Variants in AHR observed in about 807,000 individuals in gnomAD.
AHR encodes AH-receptor.
AHR carries 40 observed loss-of-function variants against 86.8 expected under a neutral mutation model. That is an observed-to-expected ratio of 0.46 (90% CI 0.36 to 0.60). AHR has a LOEUF of 0.60. Among genes scored for constraint, AHR ranks in the 20% least tolerant of loss-of-function variants. The probability of loss-of-function intolerance (pLI) is 0.00; values close to 1 mark genes in which losing one functional copy is unlikely to be tolerated. For synonymous variants in AHR, 398 were observed against 354.9 expected (o/e 1.12, Z -1.37); for missense variants, 1,001 against 1,011.6 (o/e 0.99, Z 0.14).
chr7:17,330,042 T>C lies in AHR; in HGVS notation c.541T>C (p.Ser181Pro), dbSNP rs1054811954. 6.2e-7 allele frequency: 1 copy of C among 1,611,256 alleles called. No individual in the cohort carries two copies. Among genetic ancestry groups the C allele is most frequent in the Non-Finnish European group, 8.5e-7 (1 of 1,177,940 alleles). ...QRQLHWALNPSQCTESGQGIE... is the reference protein window; with the variant it reads ...QRQLHWALNPPQCTESGQGIE... ...TCAGCTACACTGGGCATTAAATCCTTCTCAGTGTACAGAGTCTGGACAAGG... is the reference window on the plus strand; with the variant it reads ...TCAGCTACACTGGGCATTAAATCCTCCTCAGTGTACAGAGTCTGGACAAGG... The change falls in exon 5 of 11, where the codon TCT becomes CCT. Residue 181 changes from serine to proline, a missense_variant. Around this residue, in one of 2 missense-constraint regions of AHR, gnomAD observed 394 missense variants for 468.5 expected, o/e 0.84. Transcript: ENST00000242057.
intron 3 of AHR, among the ~76,000 whole-genome samples, chr7:17,324,561 G>C (rs763816918): frequency 9.9e-5 from 15 of 152,206 alleles, no homozygotes; most frequent in Non-Finnish European, 1.9e-4. Context: ...CCAGCACTTT[G>C]GGAGGCCAAG....
At chr7:17,308,244 C>T (rs1157383073) in intron 1 of AHR, among the ~76,000 whole-genome samples, 1 of 152,116 alleles carries the variant, frequency 6.6e-6, no homozygotes, top group Admixed American at 6.6e-5. Context: ...TGTGCCTCTC[C>T]CTTCATGTGG....
At chr7:17,299,506 C>A in intron 1 of AHR, 177 bp downstream of exon 1, 1 of 713,768 alleles carries the variant, frequency 1.4e-6, no homozygotes, top group Non-Finnish European at 2.3e-6. Context: ...TGGATTCTCC[C>A]GTTTTCAATG....
chr7:17,315,987 G>A (rs1782111852), intron 2 of AHR, among the ~76,000 whole-genome samples: 1 of 152,048 alleles, frequency 6.6e-6, no homozygotes. Flanking sequence ...AGAACATGTA[G>A]AATAAGAGGA....
At chr7:17,314,622 T>C (rs1414650140) in intron 2 of AHR, among the ~76,000 whole-genome samples, 1 of 152,044 alleles carries the variant, frequency 6.6e-6, no homozygotes, top group African/African-American at 2.4e-5. Context: ...GGTATCTCTC[T>C]AGATCAGAAC....
At chr7:17,306,862 TC>T (rs1319087177) in intron 1 of AHR, among the ~76,000 whole-genome samples, 1 of 152,172 alleles carries the variant, frequency 6.6e-6, no homozygotes, top group Non-Finnish European at 1.5e-5. Flanking sequence ...TTGTGATCAT[TC>T]CTTTTCTTGG....
rs535517733 is a variant in AHR at position 17,307,237 on chromosome 7, T to G, written c.66-2699T>G. Among the ~76,000 whole-genome samples, 70 of 152,172 alleles carry G rather than the reference T, an allele frequency of 4.6e-4. 1 individual carries two copies. Among genetic ancestry groups the G allele is most frequent in the African/African-American group, 1.6e-3 (67 of 41,548 alleles). On this transcript the variant is annotated intron_variant, in intron 1 of 10. Coordinates refer to ENST00000242057, the MANE Select transcript of AHR (RefSeq NM_001621.5). ...TTGTTTCAGCGTTTGTGTCACTCTCTTCTCTCCAGTGTTTCATAATCATTA... is the reference window on the plus strand; with the variant it reads ...TTGTTTCAGCGTTTGTGTCACTCTCGTCTCTCCAGTGTTTCATAATCATTA...
chr7:17,317,122 T>TTG (rs1782123443), intron 2 of AHR, among the ~76,000 whole-genome samples: 1 of 149,682 alleles, frequency 6.7e-6, no homozygotes, highest in East Asian at 1.9e-4. Flanking sequence ...TTTTGTTTTT[T>TTG]TTTTTTTTTT....
chr7:17,334,008 A>G lies in AHR; in HGVS notation c.802A>G (p.Ile268Val). The change falls in exon 7 of 11, where the codon ATA becomes GTA. Residue 268 changes from isoleucine (I) to valine (V), a missense_variant. Around this residue, in one of 2 missense-constraint regions of AHR, gnomAD observed 394 missense variants for 468.5 expected, o/e 0.84. Transcript: ENST00000242057. ...ILPPQLALFA[I>V]ATPLQPPSIL... The stretch of plus-strand genomic sequence containing the variant: ...TCCACCTCAGTTGGCTTTGTTTGCG[A>G]TAGCTACTCCACTTCAGCCACCATC... 1 of 1,613,552 alleles carries G rather than the reference A, an allele frequency of 6.2e-7. No homozygotes were observed. Among genetic ancestry groups the G allele is most frequent in the East Asian group, 2.2e-5 (1 of 44,858 alleles).
rs554748277 is a variant in AHR, at chr7:17,343,212, T to C, written c.*148T>C. 2 of 1,002,184 alleles carry C rather than the reference T, an allele frequency of 2.0e-6. No homozygotes were observed. The highest frequency in any genetic ancestry group is 2.9e-5 in the South Asian group (2 of 68,918). The allele number at this position is 1,002,184 out of a possible 1,614,324, so 62.1% of individuals were successfully genotyped here. The stretch of plus-strand genomic sequence containing the variant: ...ACAATTATTCCAAACCAAATTTTAA[T>C]TTTTGCTTTTAGAAAAGGGAGTTTA... On this transcript the variant is annotated 3_prime_UTR_variant, in exon 11 of 11. Coordinates refer to ENST00000242057, the MANE Select transcript of AHR (RefSeq NM_001621.5).
intron 2 of AHR, among the ~76,000 whole-genome samples, chr7:17,314,262 G>GTT (rs1782094232): frequency 6.6e-6 from 1 of 151,988 alleles, no homozygotes; most frequent in Non-Finnish European, 1.5e-5. Context: ...ACAAGGTAAT[G>GTT]TTAGGGAAAA....
rs1437852377 is a variant in AHR at position 17,344,062 on chromosome 7, CTTGT to C, written c.*1001_*1004del. ...TGAAAAATCTGCTGTTAACTGCAAC[CTTGT>C]TTATTAAATTGCAAGAAGCTTTATT... On this transcript the variant is annotated 3_prime_UTR_variant, in exon 11 of 11. Transcript: ENST00000242057. 6.6e-6 allele frequency: 1 copy of C among 152,526 alleles called. No homozygotes were observed. The highest frequency in any genetic ancestry group is 2.4e-5 in the African/African-American group (1 of 41,406). The allele number at this position is 152,526 out of a possible 1,614,324, so 9.4% of individuals were successfully genotyped here.
chr7:17,299,378 C>T (rs761495185), intron 1 of AHR, 49 bp downstream of exon 1: 15 of 1,597,168 alleles, frequency 9.4e-6, no homozygotes, highest in Non-Finnish European at 1.2e-5. Flanking sequence ...CGCTCAGGCA[C>T]GCGGGTGCGG....
chr7:17,299,477 G>T, intron 1 of AHR, 148 bp downstream of exon 1: 2 of 871,524 alleles, frequency 2.3e-6, no homozygotes, highest in East Asian at 2.9e-5. Flanking sequence ...TTTGGAGGCC[G>T]GCTGGGAGAC....
At chr7:17,301,145 T>G (rs1407471153) in intron 1 of AHR, among the ~76,000 whole-genome samples, 6 of 152,100 alleles carry the variant, frequency 3.9e-5, no homozygotes, top group African/African-American at 4.8e-5. Context: ...GTTTATCAGA[T>G]CTCTGCTGAG....
intron 10 of AHR, 32 bp downstream of exon 10, chr7:17,340,260 T>C: frequency 6.5e-7 from 1 of 1,549,970 alleles, no homozygotes; most frequent in South Asian, 1.2e-5. Context: ...ATTAAATCTT[T>C]CAGTGATTCT....
Position 17,299,257 on chromosome 7 carries a change from T to G in AHR, c.-8T>G, listed in dbSNP as rs776703644. The G allele has an allele frequency of 5.0e-6, 8 of 1,611,342 alleles. No homozygotes were observed. In the South Asian group the frequency reaches 8.8e-5, roughly 18 times the overall value. On this transcript the variant is annotated 5_prime_UTR_variant, in exon 1 of 11. Transcript: ENST00000242057. ...CCGGGGAGTAGCCGCCGCCGTCGGC[T>G]GGGCACCATGAACAGCAGCAGCGCC...
intron 1 of AHR, among the ~76,000 whole-genome samples, chr7:17,300,839 G>A (rs1478519606): frequency 6.6e-6 from 1 of 151,986 alleles, no homozygotes; most frequent in East Asian, 1.9e-4. Context: ...GGTGTCATGG[G>A]TTTTATGTGT....
rs369167421 is a variant in AHR, at chr7:17,309,546, T to C, written c.66-390T>C. On this transcript the variant is annotated intron_variant, in intron 1 of 10. Coordinates refer to ENST00000242057, the MANE Select transcript of AHR (RefSeq NM_001621.5). ...ATGCTGAGATGCTTCCTGTGGAAGA[T>C]AGCAAAGGAAGTATGATTTTCATAT... 7.2e-5 allele frequency among the ~76,000 whole-genome samples: 11 copies of C among 152,224 alleles called. No homozygotes were observed. The East Asian group carries it at 1.9e-3, about 27-fold the overall frequency.
Sources: gnomAD v4.1 joint callset for allele counts (sites outside exome capture counted in the v4.1 genomes callset) on GRCh38, gnomAD v4.1.1 for gene constraint, gnomAD v4.1.1 regional missense constraint, MANE v1.5 for transcripts, NCBI Gene and HGNC (gene_info 2026-07-23, HGNC 2026-07-21) for gene names.